OXR1: variants seen among roughly 807,000 people sequenced by gnomAD.
OXR1 encodes oxidation resistance 1.
A neutral mutation model predicts 104.6 loss-of-function variants in OXR1; 41 were observed. That is an observed-to-expected ratio of 0.39 (90% confidence interval 0.31 to 0.51). OXR1 has a LOEUF of 0.51. Ranked by LOEUF, OXR1 falls within the 20% of genes least tolerant of loss-of-function variation. The pLI is 0.77. For missense variants in OXR1, 955 were observed against 1,031.9 expected (o/e 0.93, Z 1.02); for synonymous variants, 348 against 348.4 (o/e 1.00, Z 0.01).
At chr8:106,555,761 T>C (rs966016160) in intron 3 of OXR1, among the ~76,000 whole-genome samples, 1 of 151,822 alleles carries the variant, frequency 6.6e-6, no homozygotes, top group Non-Finnish European at 1.5e-5. Context: ...ATGAATATGA[T>C]AGTTTCAGAT....
intron 3 of OXR1, among the ~76,000 whole-genome samples, chr8:106,655,698 G>A (rs1449326008): frequency 6.6e-6 from 1 of 152,152 alleles, no homozygotes; most frequent in African/African-American, 2.4e-5. Context: ...AATGATGACA[G>A]TTCAGACAAC....
intron 2 of OXR1, among the ~76,000 whole-genome samples, chr8:106,390,334 G>T (rs929603687): frequency 6.6e-6 from 1 of 152,164 alleles, no homozygotes; most frequent in Admixed American, 6.5e-5. Context: ...TCTAGAGTCT[G>T]TCTCTTGGAG....
chr8:106,476,025 A>G (rs1821790876), intron 2 of OXR1, among the ~76,000 whole-genome samples: 1 of 151,770 alleles, frequency 6.6e-6, no homozygotes. Flanking sequence ...TATGGCTTTC[A>G]CAGCTTTTTC....
intron 2 of OXR1, among the ~76,000 whole-genome samples, chr8:106,400,872 G>A (rs561750009): frequency 1.6e-3 from 237 of 152,260 alleles, no homozygotes; most frequent in Non-Finnish European, 2.3e-3. Context: ...TTTTGGAGGA[G>A]TAAATTATTA....
At chr8:106,503,799 G>A (rs900188562) in intron 2 of OXR1, among the ~76,000 whole-genome samples, 3 of 152,114 alleles carry the variant, frequency 2.0e-5, no homozygotes, top group Admixed American at 6.5e-5. Context: ...ATCTTGTCCA[G>A]AACTGTCCTG....
At chr8:106,282,540 C>T (rs1402750561) in intron 1 of OXR1, among the ~76,000 whole-genome samples, 1 of 152,078 alleles carries the variant, frequency 6.6e-6, no homozygotes, top group East Asian at 1.9e-4. Context: ...AGAAGCCTTA[C>T]CAATAACATG....
At chr8:106,352,898 G>T (rs750311046) in intron 1 of OXR1, among the ~76,000 whole-genome samples, 2 of 152,164 alleles carry the variant, frequency 1.3e-5, no homozygotes, top group Non-Finnish European at 2.9e-5. Flanking sequence ...TATAAGCATA[G>T]ATTTCTTATT....
intron 11 of OXR1, among the ~76,000 whole-genome samples, chr8:106,716,061 T>C (rs1488692067): frequency 2.0e-5 from 3 of 152,200 alleles, no homozygotes; most frequent in Non-Finnish European, 2.9e-5. Context: ...TAAAAACCGA[T>C]ACTTGGTTCC....
chr8:106,569,424 C>T (rs1311978657), intron 3 of OXR1, among the ~76,000 whole-genome samples: 4 of 152,064 alleles, frequency 2.6e-5, no homozygotes, highest in African/African-American at 7.2e-5. Context: ...TGCAATTGCA[C>T]GTATAGGTAT....
intron 2 of OXR1, among the ~76,000 whole-genome samples, chr8:106,381,613 T>A (rs1458172423): frequency 6.6e-6 from 1 of 152,162 alleles, no homozygotes; most frequent in East Asian, 1.9e-4. Flanking sequence ...GGTTATACCT[T>A]TACTGTTCAT....
At chr8:106,404,429 C>A (rs542238182) in intron 2 of OXR1, among the ~76,000 whole-genome samples, 5 of 152,268 alleles carry the variant, frequency 3.3e-5, no homozygotes, top group Non-Finnish European at 4.4e-5. Flanking sequence ...AGGAGTTCAA[C>A]TTGTGTTATA....
intron 3 of OXR1, among the ~76,000 whole-genome samples, chr8:106,551,706 C>T (rs1008049482): frequency 8.0e-5 from 12 of 150,762 alleles, no homozygotes; most frequent in African/African-American, 2.7e-4. Context: ...CCAGCACTTT[C>T]GGAGGCTGAG....
chr8:106,382,682 GT>G (rs35296978), intron 2 of OXR1, among the ~76,000 whole-genome samples: 6,996 of 86,082 alleles, frequency 0.081, 251 homozygotes, highest in African/African-American at 0.092. Flanking sequence ...AGAACTATAG[GT>G]TTTTTTTTTT....
chr8:106,628,331 G>A (rs1359470674), intron 3 of OXR1, among the ~76,000 whole-genome samples: 1 of 152,122 alleles, frequency 6.6e-6, no homozygotes, highest in Non-Finnish European at 1.5e-5. Context: ...AGACTGGGCA[G>A]GGAATTTATA....
At chr8:106,664,595 C>A (rs985720894) in intron 3 of OXR1, among the ~76,000 whole-genome samples, 4 of 152,298 alleles carry the variant, frequency 2.6e-5, no homozygotes, top group Non-Finnish European at 4.4e-5. Flanking sequence ...AAGTGGCCAA[C>A]AAATTAGTCT....
Position 106,555,132 on chromosome 8 carries a change from T to C in OXR1, c.220+35993T>C, listed in dbSNP as rs556649072. ...TCCTTCGATGTCTCCATTCTACATA[T>C]GCTATTTTGTGTTATTTGATCTACA... is the stretch of plus-strand genomic sequence containing the variant. On this transcript the variant is annotated intron_variant, in intron 3 of 16. Transcript: ENST00000517566. 2.0e-5 allele frequency among the ~76,000 whole-genome samples: 3 copies of C among 152,270 alleles called. No homozygotes were observed. The East Asian group carries it at 5.8e-4, about 29-fold the overall frequency.
At chr8:106,278,639 G>A (rs753401980) in intron 1 of OXR1, among the ~76,000 whole-genome samples, 19 of 152,034 alleles carry the variant, frequency 1.2e-4, no homozygotes, top group Non-Finnish European at 2.5e-4. Context: ...ATGGACTAAG[G>A]ATGCTTTCTC....
chr8:106,741,748 A>G (rs1441478385), intron 14 of OXR1, among the ~76,000 whole-genome samples: 2 of 152,120 alleles, frequency 1.3e-5, no homozygotes, highest in African/African-American at 4.8e-5. Context: ...GGGTTAAAGG[A>G]CAAAACAATT....
intron 3 of OXR1, among the ~76,000 whole-genome samples, chr8:106,667,189 T>C (rs776945): frequency 0.036 from 5,552 of 152,278 alleles, 158 homozygotes; most frequent in Non-Finnish European, 0.06. Context: ...GATCTGATTA[T>C]AATCAAAGAT....
Sources: allele counts gnomAD v4.1 joint callset (sites outside exome capture counted in the v4.1 genomes callset), GRCh38; gene constraint gnomAD v4.1.1; transcripts MANE v1.5; gene names NCBI Gene and HGNC (gene_info 2026-07-23, HGNC 2026-07-21).